The following SLC23A2 variants were observed in gnomAD, a reference collection of about 807,000 sequenced individuals.
SLC23A2 encodes Na(+)/L-ascorbic acid transporter 2.
Under a neutral mutation model 73.3 loss-of-function variants are expected in SLC23A2, and 36 were observed. The ratio of observed to expected loss-of-function variants is 0.49; its 90% CI spans 0.38 to 0.65. SLC23A2 has a LOEUF of 0.65. SLC23A2 is among the 30% of genes least tolerant of loss of function. The probability of loss-of-function intolerance (pLI) is 0.00; values close to 1 mark genes in which losing one functional copy is unlikely to be tolerated. For synonymous variants in SLC23A2, 343 were observed against 327.3 expected (o/e 1.05, Z -0.52); for missense variants, 507 against 841.6 (o/e 0.60, Z 4.92).
chr20:4,987,561 CTA>C (rs2087850561), intron 1 of SLC23A2, among the ~76,000 whole-genome samples: 1 of 152,098 alleles, frequency 6.6e-6, no homozygotes, highest in Admixed American at 6.6e-5. Flanking sequence ...AAAAAAAACA[CTA>C]TGTGGCCGGG....
intron 2 of SLC23A2, among the ~76,000 whole-genome samples, chr20:4,953,114 T>C (rs2087229055): frequency 6.6e-6 from 1 of 151,930 alleles, no homozygotes; most frequent in Non-Finnish European, 1.5e-5. Flanking sequence ...CAGACCACCC[T>C]GTCCAACATG....
In SLC23A2 at chr20:4,857,029, G is replaced by T. The variant is rs766546495; in HGVS notation, c.1896C>A (p.Gly632=). Residue 632 remains glycine (G), a synonymous_variant, in exon 17 of 17, where the codon GGC becomes GGA. Coordinates refer to ENST00000338244, the MANE Select transcript of SLC23A2 (RefSeq NM_005116.6). The surrounding 1 kb of genome is among the most constrained non-coding windows in gnomAD (Gnocchi z 4.0). ...SPTFVGYTWK[G]LRKSDNSRSS... is the part of the protein sequence containing the mutation. ...TCCGGCTGTTGTCGCTCTTCCTGAG[G>T]CCTTTCCATGTGTAGCCCACAAAGG... 1 of 1,614,168 alleles carries T rather than the reference G, an allele frequency of 6.2e-7. No individual in the cohort carries two copies. Among genetic ancestry groups the T allele is most frequent in the South Asian group, 1.1e-5 (1 of 91,078 alleles).
chr20:4,982,184 G>A (rs1354692325), intron 1 of SLC23A2, among the ~76,000 whole-genome samples: 4 of 145,348 alleles, frequency 2.8e-5, no homozygotes, highest in African/African-American at 1.0e-4. Context: ...TAGTAGAGAC[G>A]GGGTTTCACC....
At chr20:4,897,647 T>A (rs1931593967) in intron 6 of SLC23A2, among the ~76,000 whole-genome samples, 1 of 152,130 alleles carries the variant, frequency 6.6e-6, no homozygotes, top group African/African-American at 2.4e-5. Flanking sequence ...TCTGTTTAGG[T>A]CTTGTGCCCC....
chr20:4,899,578 C>T lies in SLC23A2; in HGVS notation c.459G>A (p.Leu153=), dbSNP rs779835577. 1.2e-6 allele frequency: 2 copies of T among 1,614,126 alleles called. No individual in the cohort carries two copies. Among genetic ancestry groups the T allele is most frequent in the East Asian group, 4.5e-5 (2 of 44,868 alleles). Residue 153 remains leucine, a synonymous_variant, in exon 6 of 17, where the codon TTG becomes TTA. Coordinates refer to ENST00000338244, the MANE Select transcript of SLC23A2 (RefSeq NM_005116.6). The surrounding 1 kb of genome is among the most constrained non-coding windows in gnomAD (Gnocchi z 4.9). ...ACCTGCATCCAAACGTTGTCTGTAG[C>T]AAAGTAGTGATTCCCACACAGAAGA... ...TIFFCVGITT[L]LQTTFGCRLP...
chr20:4,940,407 T>C (rs924339852), intron 2 of SLC23A2, among the ~76,000 whole-genome samples: 1 of 151,784 alleles, frequency 6.6e-6, no homozygotes, highest in African/African-American at 2.4e-5. Flanking sequence ...TAATGTAAAG[T>C]TGTAATAAAC....
At chr20:4,965,503 G>A (rs2087460477) in intron 2 of SLC23A2, among the ~76,000 whole-genome samples, 1 of 152,140 alleles carries the variant, frequency 6.6e-6, no homozygotes, top group South Asian at 2.1e-4. Context: ...TGGGCCCAGT[G>A]GCTCACATTT....
At chr20:4,986,012 C>T (rs1402410526) in intron 1 of SLC23A2, among the ~76,000 whole-genome samples, 2 of 152,160 alleles carry the variant, frequency 1.3e-5, no homozygotes, top group Admixed American at 6.5e-5. Flanking sequence ...CCCTCTCCCG[C>T]CATGCCCACA....
chr20:4,996,680 C>A, intron 1 of SLC23A2, among the ~76,000 whole-genome samples: 1 of 93,286 alleles, frequency 1.1e-5, no homozygotes, highest in Non-Finnish European at 2.0e-5. Context: ...AGCAAGATTC[C>A]ATCTCAAAAA....
At chr20:4,994,006 C>T (rs1044485577) in intron 1 of SLC23A2, among the ~76,000 whole-genome samples, 3 of 152,166 alleles carry the variant, frequency 2.0e-5, no homozygotes, top group African/African-American at 7.2e-5. Flanking sequence ...GGGAGGATCT[C>T]TTGAGCCCGG....
intron 6 of SLC23A2, among the ~76,000 whole-genome samples, chr20:4,895,584 G>C (rs569582452): frequency 9.2e-5 from 14 of 152,202 alleles, no homozygotes; most frequent in Non-Finnish European, 1.6e-4. Context: ...GGACACCTGA[G>C]GGAGAAGCCT....
chr20:5,009,187 T>A (rs1393761286), intron 1 of SLC23A2, among the ~76,000 whole-genome samples: 2 of 152,182 alleles, frequency 1.3e-5, no homozygotes, highest in African/African-American at 2.4e-5. Flanking sequence ...TCCTAGTGGT[T>A]CTTCTACTTC....
At position 4,855,925 on chromosome 20, in the gene SLC23A2, A is replaced by T. The variant is rs1350790873; in HGVS notation, c.*1047T>A. 1 of 152,320 alleles carries T rather than the reference A, an allele frequency of 6.6e-6. No homozygotes were observed. The highest frequency in any genetic ancestry group is 1.5e-5 in the Non-Finnish European group (1 of 68,030). 9.4% of individuals were successfully genotyped at this position (152,320 alleles called of 1,614,324 possible). ...AAAGCCGTTACAACAAGCTTCCCTG[A>T]TGGTGTCCACAGCTTTACAAATGCT... is the stretch of plus-strand genomic sequence containing the variant. On this transcript the variant is annotated 3_prime_UTR_variant, in exon 17 of 17. Transcript: ENST00000338244.
intron 13 of SLC23A2, among the ~76,000 whole-genome samples, chr20:4,866,181 T>A (rs1568601764): frequency 6.6e-6 from 1 of 152,234 alleles, no homozygotes; most frequent in Non-Finnish European, 1.5e-5. Context: ...TTACAATCCT[T>A]AATACAATGT....
intron 3 of SLC23A2, among the ~76,000 whole-genome samples, chr20:4,923,771 G>A (rs1932576711): frequency 6.6e-6 from 1 of 152,158 alleles, no homozygotes; most frequent in Admixed American, 6.5e-5. Context: ...CAAGAACAAG[G>A]ACATGTTCTG....
At chr20:4,895,274 C>T (rs1931477640) in intron 6 of SLC23A2, among the ~76,000 whole-genome samples, 1 of 152,234 alleles carries the variant, frequency 6.6e-6, no homozygotes, top group African/African-American at 2.4e-5. Context: ...CATCTGCCAT[C>T]CTTCCGGCAG....
chr20:4,971,641 T>C (rs2087562334), intron 1 of SLC23A2, among the ~76,000 whole-genome samples: 1 of 147,612 alleles, frequency 6.8e-6, no homozygotes, highest in African/African-American at 2.6e-5. Context: ...AAAAAAATTA[T>C]CTCGTCGTGG....
intron 4 of SLC23A2, among the ~76,000 whole-genome samples, chr20:4,911,307 T>G (rs1932139207): frequency 6.6e-6 from 1 of 152,138 alleles, no homozygotes; most frequent in African/African-American, 2.4e-5. Flanking sequence ...TCCATAAAAT[T>G]TATAATAGCT....
At position 4,957,985 on chromosome 20, in the gene SLC23A2, T is replaced by C. The variant is rs910495803; in HGVS notation, c.-155+12808A>G. ...CACTCAAAACCTGGCCACTCAACCA[T>C]AATCTCAAGCCATGATTCAGAATGT... On this transcript the variant is annotated intron_variant, in intron 2 of 16. Transcript: ENST00000338244. 4.0e-5 allele frequency among the ~76,000 whole-genome samples: 6 copies of C among 151,478 alleles called. No individual in the cohort carries two copies. The South Asian group carries it at 8.3e-4, about 21-fold the overall frequency.
Sources: allele counts gnomAD v4.1 joint callset (sites outside exome capture counted in the v4.1 genomes callset), GRCh38; gene constraint gnomAD v4.1.1; non-coding constraint Gnocchi (gnomAD v3.1); transcripts MANE v1.5; gene names NCBI Gene and HGNC (gene_info 2026-07-23, HGNC 2026-07-21).